TMEM70: variants seen among roughly 807,000 people sequenced by gnomAD.
The protein encoded by TMEM70 is transmembrane protein 70, also known as transmembrane protein 70, mitochondrial.
TMEM70 carries 15 observed loss-of-function variants against 20.5 expected under a neutral mutation model. The observed-to-expected ratio is 0.73, with a 90% confidence interval of 0.49 to 1.13. TMEM70 has a LOEUF of 1.13. Among genes scored for constraint, TMEM70 ranks in the 50% most tolerant of loss-of-function variants. TMEM70 has a pLI of 0.00. For synonymous variants in TMEM70, 141 were observed against 134.2 expected (o/e 1.05, Z -0.35); for missense variants, 344 against 331.7 (o/e 1.04, Z -0.29).
intron 1 of TMEM70, among the ~76,000 whole-genome samples, chr8:73,976,710 T>C (rs1285619834): frequency 6.6e-6 from 1 of 152,228 alleles, no homozygotes; most frequent in Non-Finnish European, 1.5e-5. Flanking sequence ...TGCTTACTTT[T>C]ATGGTAGTTC....
At position 73,976,333 on chromosome 8, in the gene TMEM70, G is replaced by T. The variant is rs1563697009; in HGVS notation, c.52G>T (p.Gly18Ter). 1 of 1,600,744 alleles carries T rather than the reference G, an allele frequency of 6.2e-7. No homozygotes were observed. Among genetic ancestry groups the T allele is most frequent in the Non-Finnish European group, 8.5e-7 (1 of 1,179,616 alleles). The change falls in exon 1 of 3, where the codon GGA (glycine) becomes TGA (stop). Residue 18 changes from glycine (G) to a stop codon, truncating the protein, a stop_gained. Coordinates refer to ENST00000312184, the MANE Select transcript of TMEM70 (RefSeq NM_017866.6). LOFTEE classifies it high-confidence loss of function. ...GTGGGCGGTCGAACTGCCTCTCTGC[G>T]GAAGGAGGACTGCATTGTGTGCGGC... ...SPWAVELPLC[G>*]RRTALCAAAA...
At position 73,982,696 on chromosome 8, in the gene TMEM70, C is replaced by T. The variant is rs1037775120; in HGVS notation, c.*1075C>T. 1.7e-5 allele frequency: 8 copies of T among 457,658 alleles called. No homozygotes were observed. Among genetic ancestry groups the T allele is most frequent in the Non-Finnish European group, 3.5e-5 (8 of 229,140 alleles). 28.3% of individuals were successfully genotyped at this position (457,658 alleles called of 1,614,324 possible). A position where few individuals can be genotyped will look rare whatever the true frequency, so the allele number is the denominator to read the frequency against. On this transcript the variant is annotated 3_prime_UTR_variant, in exon 3 of 3. Transcript: ENST00000312184. ...TGGTAAGTAGTGTTGTCTTCAGTAT[C>T]TTAATTTGTTTCTGCAACTGTGCAC...
intron 2 of TMEM70, among the ~76,000 whole-genome samples, chr8:73,979,763 C>T (rs143617545): frequency 2.6e-5 from 4 of 152,138 alleles, no homozygotes; most frequent in African/African-American, 7.2e-5. Context: ...TGTGCCACTA[C>T]ACCTGGCTGA....
intron 1 of TMEM70, 49 bp from the exon 2 acceptor site, chr8:73,978,706 TA>T (rs1225831182): frequency 3.7e-6 from 6 of 1,601,324 alleles, no homozygotes; most frequent in Middle Eastern, 1.7e-4. Flanking sequence ...AAAAAAAACT[TA>T]AAAAAATTTA....
At chr8:73,980,286 G>A (rs542553264) in intron 2 of TMEM70, among the ~76,000 whole-genome samples, 1 of 151,976 alleles carries the variant, frequency 6.6e-6, no homozygotes, top group African/African-American at 2.4e-5. Context: ...ACAGGATTTC[G>A]CCATGCTGGC....
intron 2 of TMEM70, chr8:73,979,143 C>G (rs1815727959): frequency 2.0e-6 from 1 of 506,070 alleles, no homozygotes. Flanking sequence ...AAGCGATTCT[C>G]CTGGCTCAGC....
rs772494038 is a variant in TMEM70 at position 73,982,004 on chromosome 8, GAC to G, written c.*387_*388del. On this transcript the variant is annotated 3_prime_UTR_variant, in exon 3 of 3. Transcript: ENST00000312184. ...TAAAAGACATTTTCTCTTTGAGGAA[GAC>G]ACAGTCATAGGTGGTGCGGAGCTGT... 2.4e-5 allele frequency: 11 copies of G among 466,460 alleles called. No individual in the cohort carries two copies. The allele number at this position is 466,460 out of a possible 1,614,324, so 28.9% of individuals were successfully genotyped here. A position where few individuals can be genotyped will look rare whatever the true frequency, so the allele number is the denominator to read the frequency against.
In TMEM70 at chr8:73,976,483, C is replaced by G; in HGVS notation, c.202C>G (p.Arg68Gly). The stretch of plus-strand genomic sequence containing the variant: ...CGCGCGCCTTCTCCGGCGTCCGGGT[C>G]GAGCGCAGGTAGGGCGTCCGAGGTC... ...GAARLLRRPGRAQIPVYWEGY... is the reference protein window; with the variant it reads ...GAARLLRRPGGAQIPVYWEGY... The change falls in exon 1 of 3, where the codon CGA becomes GGA. Residue 68 changes from arginine to glycine, a missense_variant. By Grantham distance (125) the Arg-to-Gly change is moderately radical. Transcript: ENST00000312184. 3.3e-6 allele frequency: 5 copies of G among 1,534,584 alleles called. No homozygotes were observed. Among genetic ancestry groups the G allele is most frequent in the Non-Finnish European group, 4.4e-6 (5 of 1,146,192 alleles).
At chr8:73,980,810 TGATA>T (rs1815772891) in intron 2 of TMEM70, among the ~76,000 whole-genome samples, 1 of 152,270 alleles carries the variant, frequency 6.6e-6, no homozygotes, top group South Asian at 2.1e-4. Flanking sequence ...GAGTTTTGTT[TGATA>T]ATCTGCTATC....
intron 2 of TMEM70, chr8:73,979,272 A>C (rs1586635620): frequency 4.2e-6 from 1 of 239,620 alleles, no homozygotes; most frequent in Non-Finnish European, 8.5e-6. Flanking sequence ...CAAGTAACCC[A>C]CCCACCTCGG....
At chr8:73,979,077 A>G in intron 2 of TMEM70, 1 of 657,760 alleles carries the variant, frequency 1.5e-6, no homozygotes, top group Non-Finnish European at 2.8e-6. Context: ...TCTGTTGTCC[A>G]GGCTGGAGTG....
At chr8:73,979,727 C>G (rs919732660) in intron 2 of TMEM70, among the ~76,000 whole-genome samples, 1 of 151,710 alleles carries the variant, frequency 6.6e-6, no homozygotes, top group African/African-American at 2.4e-5. Context: ...CCACCTCAGC[C>G]TCCCAAATAG....
intron 1 of TMEM70, 71 bp downstream of exon 1, chr8:73,976,562 C>A (rs1441479460): frequency 1.4e-6 from 2 of 1,383,520 alleles, no homozygotes; most frequent in African/African-American, 3.0e-5. Flanking sequence ...CTGGGGAGCC[C>A]CAGCGGCTCT....
At position 73,981,298 on chromosome 8, in the gene TMEM70, A is replaced by T. The variant is rs1017176272; in HGVS notation, c.460A>T (p.Ile154Phe). The change falls in exon 3 of 3, where the codon ATC becomes TTC. Residue 154 changes from isoleucine to phenylalanine, a missense_variant. Transcript: ENST00000312184. The stretch of plus-strand genomic sequence containing the variant: ...TGGCATCATGGGAAGCTTTACGGTG[A>T]TCACCCCAGTGCTGCTTCACTTTAT... ...FYGIMGSFTV[I>F]TPVLLHFITK... 8 of 1,614,028 alleles carry T rather than the reference A, an allele frequency of 5.0e-6. No individual in the cohort carries two copies. Among genetic ancestry groups the T allele is most frequent in the Admixed American group, 3.3e-5 (2 of 59,988 alleles).
rs1230203470 is a variant in TMEM70, at chr8:73,976,341, G to A, written c.60G>A (p.Arg20=). The A allele has an allele frequency of 6.2e-7, 1 of 1,600,496 alleles. No individual in the cohort carries two copies. Among genetic ancestry groups the A allele is most frequent in the Non-Finnish European group, 8.5e-7 (1 of 1,179,572 alleles). The part of the protein sequence containing the change: ...WAVELPLCGR[R]TALCAAAALR... ...TCGAACTGCCTCTCTGCGGAAGGAG[G>A]ACTGCATTGTGTGCGGCCGCCGCGC... The change falls in exon 1 of 3, where the codon AGG becomes AGA. Residue 20 remains arginine (R), a synonymous_variant. Transcript: ENST00000312184.
intron 1 of TMEM70, among the ~76,000 whole-genome samples, chr8:73,978,346 C>G (rs966668430): frequency 6.6e-6 from 1 of 150,936 alleles, no homozygotes; most frequent in African/African-American, 2.4e-5. Context: ...CTCGGCCTCC[C>G]AAAGTGCTGG....
rs117194711 is a variant in TMEM70 at position 73,981,070 on chromosome 8, A to G, written c.317-85A>G. On this transcript the variant is annotated intron_variant, in intron 2 of 2. Transcript: ENST00000312184. ...TGTTGTCTTGAGCTGATACAGTAAGAAGAAAAATGGAAGAATTAGTGGGAT... is the reference window on the plus strand; with the variant it reads ...TGTTGTCTTGAGCTGATACAGTAAGGAGAAAAATGGAAGAATTAGTGGGAT... 3.4e-4 allele frequency: 393 copies of G among 1,151,196 alleles called. 4 individuals carry two copies. The East Asian group carries it at 9.4e-3, about 28-fold the overall frequency. The allele number at this position is 1,151,196 out of a possible 1,614,324, so 71.3% of individuals were successfully genotyped here.
At position 73,981,732 on chromosome 8, in the gene TMEM70, T is replaced by C. The variant is rs1449906827; in HGVS notation, c.*111T>C. 1 of 852,358 alleles carries C rather than the reference T, an allele frequency of 1.2e-6. No individual in the cohort carries two copies. The highest frequency in any genetic ancestry group is 2.0e-5 in the Admixed American group (1 of 49,732). 52.8% of individuals were successfully genotyped at this position (852,358 alleles called of 1,614,324 possible). On this transcript the variant is annotated 3_prime_UTR_variant, in exon 3 of 3. Coordinates refer to ENST00000312184, the MANE Select transcript of TMEM70 (RefSeq NM_017866.6). ...GATTGTTAAAAATAATTTGAAATTATCAAAGCTTTTAATTTCCAGAGAATG... is the reference window on the plus strand; with the variant it reads ...GATTGTTAAAAATAATTTGAAATTACCAAAGCTTTTAATTTCCAGAGAATG...
In TMEM70 at chr8:73,981,270, C is replaced by G; in HGVS notation, c.432C>G (p.Phe144Leu). ...TGCCTCTGCCTATTCAAATCATATT[C>G]TATGGCATCATGGGAAGCTTTACGG... The part of the protein sequence containing the change: ...ESVPLPIQII[F>L]YGIMGSFTVI... The change falls in exon 3 of 3, where the codon TTC (phenylalanine) becomes TTG (leucine). Residue 144 changes from phenylalanine (F) to leucine (L), a missense_variant. Physicochemically the swap from Phe to Leu is conservative, Grantham distance 22. Transcript: ENST00000312184. 1 of 1,614,034 alleles carries G rather than the reference C, an allele frequency of 6.2e-7. No homozygotes were observed. The highest frequency in any genetic ancestry group is 8.5e-7 in the Non-Finnish European group (1 of 1,180,004).
Sources: allele counts gnomAD v4.1 joint callset (sites outside exome capture counted in the v4.1 genomes callset), GRCh38; gene constraint gnomAD v4.1.1; transcripts MANE v1.5; gene names NCBI Gene and HGNC (gene_info 2026-07-23, HGNC 2026-07-21).